LDLRAD3: variants seen among roughly 807,000 people sequenced by gnomAD.
The protein encoded by LDLRAD3 is low density lipoprotein receptor class A domain containing 3, also known as low-density lipoprotein receptor class A domain-containing protein 3.
A neutral mutation model predicts 29.4 loss-of-function variants in LDLRAD3; 20 were observed. The ratio of observed to expected loss-of-function variants is 0.68; its 90% CI spans 0.48 to 0.99. The LOEUF (loss-of-function observed/expected upper bound fraction) is 0.99, where lower values mean the gene tolerates loss of function less well. Ranked by LOEUF, LDLRAD3 falls within the 50% of genes least tolerant of loss-of-function variation. The probability of loss-of-function intolerance (pLI) is 0.00; values close to 1 mark genes in which losing one functional copy is unlikely to be tolerated. For synonymous variants in LDLRAD3, 157 were observed against 192.7 expected (o/e 0.81, Z 1.53); for missense variants, 420 against 454.3 (o/e 0.92, Z 0.69).
In LDLRAD3 at chr11:36,068,953, A is replaced by T. The variant is rs530054474; in HGVS notation, c.194-12700A>T. On this transcript the variant is annotated intron_variant, in intron 2 of 5. Coordinates refer to ENST00000315571, the MANE Select transcript of LDLRAD3 (RefSeq NM_174902.4). ...AGAATCTTGTGGCAAAGCTGTTTCA[A>T]CTGGATGCCTTCTTTCTGTATTTAT... Among the ~76,000 whole-genome samples the T allele has an allele frequency of 2.5e-4, 38 of 152,344 alleles. No homozygotes were observed. In the South Asian group the frequency reaches 2.7e-3, roughly 11 times the overall value.
chr11:36,070,721 GAC>G (rs1565201407), intron 2 of LDLRAD3, among the ~76,000 whole-genome samples: 1 of 152,168 alleles, frequency 6.6e-6, no homozygotes, highest in Non-Finnish European at 1.5e-5. Context: ...CTAGGGGAGA[GAC>G]TCAGGAATCT....
At chr11:36,144,498 G>C (rs1290067560) in intron 4 of LDLRAD3, among the ~76,000 whole-genome samples, 6 of 151,138 alleles carry the variant, frequency 4.0e-5, no homozygotes, top group Non-Finnish European at 7.4e-5. Context: ...GTCTCTGCCT[G>C]GCCGCCCATC....
At chr11:36,218,175 G>A (rs556597909) in intron 4 of LDLRAD3, among the ~76,000 whole-genome samples, 1 of 152,284 alleles carries the variant, frequency 6.6e-6, no homozygotes, top group South Asian at 2.1e-4. Flanking sequence ...AAGTAAATAT[G>A]CATGGTGGTG....
intron 1 of LDLRAD3, among the ~76,000 whole-genome samples, chr11:35,955,235 ACT>A (rs1391880839): frequency 1.3e-5 from 2 of 152,164 alleles, no homozygotes; most frequent in African/African-American, 4.8e-5. Context: ...ACAGAATGAG[ACT>A]CTCTCTCAAA....
At chr11:36,117,883 G>A (rs982257760) in intron 4 of LDLRAD3, among the ~76,000 whole-genome samples, 6 of 152,236 alleles carry the variant, frequency 3.9e-5, no homozygotes, top group Admixed American at 2.0e-4. Context: ...GGAAATAAGT[G>A]TAATCAGGGC....
intron 2 of LDLRAD3, among the ~76,000 whole-genome samples, chr11:36,053,241 T>C (rs965091980): frequency 6.6e-6 from 1 of 152,162 alleles, no homozygotes; most frequent in African/African-American, 2.4e-5. Context: ...CAGCCTTTTT[T>C]TTCTTTCTTT....
intron 4 of LDLRAD3, among the ~76,000 whole-genome samples, chr11:36,191,906 A>T (rs563535169): frequency 1.4e-3 from 209 of 152,176 alleles, no homozygotes; most frequent in Non-Finnish European, 2.8e-3. Context: ...AAATGGGCAT[A>T]TGTGTGGCAG....
intron 4 of LDLRAD3, among the ~76,000 whole-genome samples, chr11:36,140,791 A>G (rs1854070362): frequency 6.6e-6 from 1 of 152,224 alleles, no homozygotes; most frequent in Admixed American, 6.5e-5. Context: ...TGTCTATGAA[A>G]GTATTAAAAA....
At chr11:36,058,080 A>G (rs2133230643) in intron 2 of LDLRAD3, among the ~76,000 whole-genome samples, 1 of 152,332 alleles carries the variant, frequency 6.6e-6, no homozygotes, top group Non-Finnish European at 1.5e-5. Context: ...AGTAGGAATA[A>G]TAACAACAAC....
At chr11:35,945,015 G>A (rs973365151) in intron 1 of LDLRAD3, among the ~76,000 whole-genome samples, 1 of 152,156 alleles carries the variant, frequency 6.6e-6, no homozygotes, top group African/African-American at 2.4e-5. Flanking sequence ...GCCCCTGCCC[G>A]CCGCCCACAG....
chr11:35,995,820 CCTCATGAACCAAT>C (rs1205076065), intron 1 of LDLRAD3, among the ~76,000 whole-genome samples: 7 of 152,228 alleles, frequency 4.6e-5, no homozygotes, highest in Admixed American at 3.9e-4. Context: ...CTTCCACAAA[CCTCATGAACCAAT>C]CTCTGCTAGC....
chr11:36,025,466 G>A (rs962572184), intron 1 of LDLRAD3, among the ~76,000 whole-genome samples: 1 of 148,852 alleles, frequency 6.7e-6, no homozygotes, highest in African/African-American at 2.5e-5. Context: ...TCAGCTCACT[G>A]CAAGCACCGC....
intron 4 of LDLRAD3, among the ~76,000 whole-genome samples, chr11:36,121,826 C>A (rs1205843570): frequency 6.6e-6 from 1 of 152,210 alleles, no homozygotes; most frequent in South Asian, 2.1e-4. Flanking sequence ...GGCCGTGAGG[C>A]CTTCTTCCTC....
In LDLRAD3 at chr11:36,133,354, C is replaced by CTTTCT. The variant is rs72293435; in HGVS notation, c.454+34932_454+34936dup. Among the ~76,000 whole-genome samples the CTTTCT allele has an allele frequency of 2.0e-3, 259 of 130,528 alleles. 4 individuals carry two copies. The highest frequency in any genetic ancestry group is 0.015 in the Middle Eastern group (4 of 262). 85.6% of individuals were successfully genotyped at this position (130,528 alleles called of 152,430 possible). Reference sequence around the variant, plus strand: ...CCCAGCCTGAGTCCATTTTCTTTTCCTTTCTTTTCTTTTCTTTTCTTTTCT... The same window carrying CTTTCT: ...CCCAGCCTGAGTCCATTTTCTTTTCCTTTCTTTTCTTTTCTTTTCTTTTCTTTTCT... On this transcript the variant is annotated intron_variant, in intron 4 of 5. Transcript: ENST00000315571.
At chr11:36,079,382 A>T (rs574700651) in intron 2 of LDLRAD3, among the ~76,000 whole-genome samples, 3 of 152,312 alleles carry the variant, frequency 2.0e-5, no homozygotes, top group East Asian at 3.9e-4. Flanking sequence ...GATGAGGATG[A>T]GGATGAGGAT....
chr11:36,066,240 T>C (rs183249980), intron 2 of LDLRAD3, among the ~76,000 whole-genome samples: 4 of 152,136 alleles, frequency 2.6e-5, no homozygotes, highest in African/African-American at 7.2e-5. Context: ...AGTTGGATGA[T>C]ACCTTTACTG....
chr11:36,028,928 A>G (rs1852200579), intron 1 of LDLRAD3, among the ~76,000 whole-genome samples: 1 of 152,132 alleles, frequency 6.6e-6, no homozygotes, highest in African/African-American at 2.4e-5. Flanking sequence ...TGCCTGTTTC[A>G]TAGGGCAATT....
At chr11:36,144,008 C>G (rs959312653) in intron 4 of LDLRAD3, among the ~76,000 whole-genome samples, 1 of 148,504 alleles carries the variant, frequency 6.7e-6, no homozygotes, top group African/African-American at 2.5e-5. Context: ...GCTGCCATCT[C>G]GGCTCACTGC....
chr11:36,011,620 A>G (rs1040788453), intron 1 of LDLRAD3, among the ~76,000 whole-genome samples: 4 of 152,184 alleles, frequency 2.6e-5, no homozygotes, highest in Non-Finnish European at 4.4e-5. Flanking sequence ...AACCATAAGC[A>G]ATTGTAACTT....
Sources: gnomAD v4.1 joint callset for allele counts (sites outside exome capture counted in the v4.1 genomes callset) on GRCh38, gnomAD v4.1.1 for gene constraint, MANE v1.5 for transcripts, NCBI Gene and HGNC (gene_info 2026-07-23, HGNC 2026-07-21) for gene names.